TMEM156: variants seen among roughly 807,000 people sequenced by gnomAD.
TMEM156 encodes the protein transmembrane protein 156.
In TMEM156, 28 loss-of-function variants were observed where a neutral mutation model predicts 30.5. That is an observed-to-expected ratio of 0.92 (90% CI 0.68 to 1.26). The LOEUF (loss-of-function observed/expected upper bound fraction) is 1.26, where lower values mean the gene tolerates loss of function less well. Ranked by LOEUF, TMEM156 falls within the 50% of genes most tolerant of loss-of-function variation. The pLI is 0.00. For missense variants in TMEM156, 351 were observed against 340.6 expected (o/e 1.03, Z -0.24); for synonymous variants, 137 against 119.9 (o/e 1.14, Z -0.93).
At chr4:38,988,377 C>G (rs1712152856) in intron 4 of TMEM156, among the ~76,000 whole-genome samples, 1 of 152,218 alleles carries the variant, frequency 6.6e-6, no homozygotes, top group African/African-American at 2.4e-5. Flanking sequence ...GCTTGCGCCA[C>G]CATGCCTGGC....
In TMEM156 at chr4:39,019,025, AAACAAAAC is replaced by A. The variant is rs775339502; in HGVS notation, c.88+13193_88+13200del. Among the ~76,000 whole-genome samples the A allele has an allele frequency of 3.8e-3, 229 of 60,728 alleles. 5 individuals are homozygous for A. Among genetic ancestry groups the A allele is most frequent in the African/African-American group, 0.026 (171 of 6,610 alleles). The allele number at this position is 60,728 out of a possible 152,430, so 39.8% of individuals were successfully genotyped here. A position where few individuals can be genotyped will look rare whatever the true frequency, so the allele number is the denominator to read the frequency against. ...GACAGAGCGAGACTCCATCTTAAAAAAACAAAACAAAAAAAAAAAAAAAACCTCTTCAG... is the reference window on the plus strand; with the variant it reads ...GACAGAGCGAGACTCCATCTTAAAAAAAAAAAAAAAAAAAAACCTCTTCAG... On this transcript the variant is annotated intron_variant, in intron 1 of 6. Transcript: ENST00000381938.
intron 5 of TMEM156, among the ~76,000 whole-genome samples, chr4:38,984,381 GTGT>G (rs1354112567): frequency 1.7e-4 from 23 of 136,550 alleles, no homozygotes; most frequent in African/African-American, 7.0e-4. Context: ...GTGTGTGTGT[GTGT>G]TGAACAATAC....
chr4:38,978,360 A>C (rs887114169), intron 5 of TMEM156, among the ~76,000 whole-genome samples: 1 of 152,154 alleles, frequency 6.6e-6, no homozygotes, highest in Non-Finnish European at 1.5e-5. Flanking sequence ...AACTTACCCA[A>C]CTTTGTTGTA....
chr4:38,988,724 C>A, intron 4 of TMEM156, 127 bp downstream of exon 4: 1 of 1,260,172 alleles, frequency 7.9e-7, no homozygotes. Context: ...CGTTTTTATT[C>A]CTTGAGTTAC....
chr4:39,016,384 A>C (rs1029126116), intron 1 of TMEM156, among the ~76,000 whole-genome samples: 3 of 124,620 alleles, frequency 2.4e-5, no homozygotes, highest in African/African-American at 8.4e-5. Context: ...AAAAAAAAAA[A>C]AGAAGAAGAA....
chr4:39,007,878 G>T (rs1046543509), intron 1 of TMEM156, among the ~76,000 whole-genome samples: 1 of 151,898 alleles, frequency 6.6e-6, no homozygotes, highest in Non-Finnish European at 1.5e-5. Context: ...TTCCTCCTAG[G>T]CGCCTTGCTT....
At chr4:38,979,271 A>G (rs1193886610) in intron 5 of TMEM156, among the ~76,000 whole-genome samples, 2 of 152,216 alleles carry the variant, frequency 1.3e-5, no homozygotes, top group South Asian at 2.1e-4. Context: ...AGCAGCAGCC[A>G]AGCAGCCAGT....
chr4:38,998,561 ATAT>A lies in TMEM156; in HGVS notation c.358+76_358+78del. ...TCCATCTCAAAAAAAAAAAAAGAAT[ATAT>A]TATTAATACGTTTTTAACAGAATAA... On this transcript the variant is annotated intron_variant, in intron 2 of 6. Transcript: ENST00000381938. The A allele has an allele frequency of 2.3e-6, 3 of 1,280,226 alleles. No homozygotes were observed. The South Asian group carries it at 5.9e-5, about 25-fold the overall frequency. 79.3% of individuals were successfully genotyped at this position (1,280,226 alleles called of 1,614,324 possible).
At chr4:38,990,179 G>C (rs1712320308) in intron 3 of TMEM156, among the ~76,000 whole-genome samples, 1 of 152,212 alleles carries the variant, frequency 6.6e-6, no homozygotes, top group Non-Finnish European at 1.5e-5. Flanking sequence ...TTAGCAGAAT[G>C]TATACCATGT....
Position 38,988,769 on chromosome 4 carries a change from G to T in TMEM156, c.739+82C>A, listed in dbSNP as rs562985784. On this transcript the variant is annotated intron_variant, in intron 4 of 6. Transcript: ENST00000381938. ...CCACTTATTCACAGTAGGTGCACAA[G>T]AAATGCTAAATTGTACTAAAAAGGA... The T allele has an allele frequency of 7.7e-5, 121 of 1,567,240 alleles. No individual in the cohort carries two copies. In the South Asian group the frequency reaches 1.4e-3, roughly 18 times the overall value.
chr4:38,988,613 T>G (rs988721117), intron 4 of TMEM156, among the ~76,000 whole-genome samples: 2 of 151,376 alleles, frequency 1.3e-5, no homozygotes, highest in Admixed American at 6.7e-5. Flanking sequence ...GTCCAGCTCA[T>G]CAGCTTCTTC....
At chr4:39,010,677 C>G (rs962152253) in intron 1 of TMEM156, among the ~76,000 whole-genome samples, 1 of 152,142 alleles carries the variant, frequency 6.6e-6, no homozygotes, top group African/African-American at 2.4e-5. Context: ...AAAGGATACT[C>G]TATTCAATAA....
At chr4:38,999,326 A>C (rs907744139) in intron 1 of TMEM156, among the ~76,000 whole-genome samples, 1 of 152,052 alleles carries the variant, frequency 6.6e-6, no homozygotes, top group African/African-American at 2.4e-5. Flanking sequence ...CATGGTGCCC[A>C]GCAACATTTC....
Position 38,994,002 on chromosome 4 carries a change from GA to G in TMEM156, c.359-5del. On this transcript the variant is annotated splice_polypyrimidine_tract_variant and splice_region_variant and intron_variant, in intron 2 of 6. Coordinates refer to ENST00000381938, the MANE Select transcript of TMEM156 (RefSeq NM_024943.3). ...ATTGATCCTCTCCTGATAAGAACTA[GA>G]AAGTGATTAAGAAAATGTTATTTGC... is the stretch of plus-strand genomic sequence containing the variant. 3 of 1,605,408 alleles carry G rather than the reference GA, an allele frequency of 1.9e-6. No homozygotes were observed. Among genetic ancestry groups the G allele is most frequent in the Non-Finnish European group, 2.6e-6 (3 of 1,173,746 alleles).
At chr4:39,014,160 C>G (rs993440979) in intron 1 of TMEM156, among the ~76,000 whole-genome samples, 2 of 152,128 alleles carry the variant, frequency 1.3e-5, no homozygotes, top group African/African-American at 4.8e-5. Context: ...TGTAAAAGAC[C>G]ATAGTTTACT....
intron 5 of TMEM156, among the ~76,000 whole-genome samples, chr4:38,977,796 G>T (rs1722940549): frequency 6.6e-6 from 1 of 152,124 alleles, no homozygotes; most frequent in Non-Finnish European, 1.5e-5. Flanking sequence ...GCTGAATCTA[G>T]TGAACAAAAT....
chr4:38,990,830 G>GTTTTTTTT (rs71304784), intron 3 of TMEM156, among the ~76,000 whole-genome samples: 30 of 81,218 alleles, frequency 3.7e-4, no homozygotes, highest in African/African-American at 5.5e-4. Flanking sequence ...TTGTTTTCTG[G>GTTTTTTTT]TTTTTTTTTT....
At chr4:39,005,814 T>C (rs1713690234) in intron 1 of TMEM156, among the ~76,000 whole-genome samples, 1 of 152,236 alleles carries the variant, frequency 6.6e-6, no homozygotes, top group Non-Finnish European at 1.5e-5. Flanking sequence ...GGGTATTTAG[T>C]GTTTCTTCAG....
At chr4:38,995,311 G>C (rs1188928010) in intron 2 of TMEM156, among the ~76,000 whole-genome samples, 1 of 152,170 alleles carries the variant, frequency 6.6e-6, no homozygotes. Context: ...GAATTTGAGA[G>C]GACCCAATTC....
Sources: allele counts gnomAD v4.1 joint callset (sites outside exome capture counted in the v4.1 genomes callset), GRCh38; gene constraint gnomAD v4.1.1; transcripts MANE v1.5; gene names NCBI Gene and HGNC (gene_info 2026-07-23, HGNC 2026-07-21).